The following TSPAN8 variants were observed in gnomAD, a reference collection of about 807,000 sequenced individuals.
TSPAN8 encodes the protein tetraspanin 8.
A neutral mutation model predicts 32.8 loss-of-function variants in TSPAN8; 21 were observed. The observed-to-expected ratio is 0.64, with a 90% CI of 0.45 to 0.92. The LOEUF (loss-of-function observed/expected upper bound fraction) is 0.92. Ranked by LOEUF, TSPAN8 falls within the 40% of genes least tolerant of loss-of-function variation. TSPAN8 has a pLI of 0.00. For synonymous variants in TSPAN8, 95 were observed against 94.6 expected, an observed-to-expected ratio of 1.00 and a Z score of -0.03; for missense variants, 269 against 281.9, an observed-to-expected ratio of 0.95 and a Z score of 0.33.
At chr12:71,136,613 T>C (rs938641433) in intron 6 of TSPAN8, among the ~76,000 whole-genome samples, 1 of 152,184 alleles carries the variant, frequency 6.6e-6, no homozygotes, top group African/African-American at 2.4e-5. Context: ...GTTTACTCTT[T>C]AGAGAGTAGT....
chr12:71,139,560 G>T, intron 4 of TSPAN8, 151 bp downstream of exon 4: 1 of 1,092,392 alleles, frequency 9.2e-7, no homozygotes, highest in Non-Finnish European at 1.3e-6. Context: ...CCAAATCTAA[G>T]CCATATCAGC....
chr12:71,149,915 C>G (rs1164734526), intron 2 of TSPAN8, among the ~76,000 whole-genome samples: 1 of 152,176 alleles, frequency 6.6e-6, no homozygotes, highest in Non-Finnish European at 1.5e-5. Flanking sequence ...CCATATTTTT[C>G]TTCTTGCAGA....
At chr12:71,127,288 G>A (rs2870840) in intron 8 of TSPAN8, among the ~76,000 whole-genome samples, 1 of 151,548 alleles carries the variant, frequency 6.6e-6, no homozygotes, top group Non-Finnish European at 1.5e-5. Context: ...AAAATGCTTT[G>A]TTTTTGGATA....
intron 3 of TSPAN8, among the ~76,000 whole-genome samples, chr12:71,143,081 C>T (rs1269416137): frequency 1.3e-5 from 2 of 152,252 alleles, no homozygotes; most frequent in African/African-American, 2.4e-5. Flanking sequence ...AAATTCTTCT[C>T]AGAGAGGAGA....
chr12:71,133,755 T>A, intron 6 of TSPAN8, among the ~76,000 whole-genome samples: 1 of 152,150 alleles, frequency 6.6e-6, no homozygotes, highest in East Asian at 1.9e-4. Flanking sequence ...GCAGCCACAT[T>A]TGAGGAAGAA....
At chr12:71,125,435 T>C (rs768631852) in intron 8 of TSPAN8, 48 bp from the exon 9 acceptor site, 2 of 1,448,442 alleles carry the variant, frequency 1.4e-6, no homozygotes, top group Non-Finnish European at 1.9e-6. Context: ...GGGAAAACAC[T>C]GGACACATTA....
At chr12:71,154,803 T>G (rs1872372119) in intron 2 of TSPAN8, among the ~76,000 whole-genome samples, 1 of 152,172 alleles carries the variant, frequency 6.6e-6, no homozygotes, top group Non-Finnish European at 1.5e-5. Context: ...GGTGGAGAAA[T>G]GGCTGATTCG....
intron 4 of TSPAN8, among the ~76,000 whole-genome samples, chr12:71,138,449 C>CA (rs949709685): frequency 1.1e-4 from 16 of 152,078 alleles, no homozygotes; most frequent in African/African-American, 2.9e-4. Context: ...GTGGTTCAGG[C>CA]AAAAAAATTA....
intron 3 of TSPAN8, among the ~76,000 whole-genome samples, chr12:71,143,933 C>T (rs928753931): frequency 7.2e-5 from 11 of 152,102 alleles, no homozygotes; most frequent in African/African-American, 2.7e-4. Context: ...CTCCTCCATT[C>T]TCTAGAAAGA....
chr12:71,137,903 A>G, intron 6 of TSPAN8, 50 bp downstream of exon 6: 1 of 1,516,156 alleles, frequency 6.6e-7, no homozygotes, highest in Non-Finnish European at 9.0e-7. Context: ...CTAAACAAAC[A>G]CAGAAGAACT....
intron 8 of TSPAN8, among the ~76,000 whole-genome samples, chr12:71,126,957 T>C (rs1343973224): frequency 6.6e-6 from 1 of 152,128 alleles, no homozygotes. Flanking sequence ...GTGAGAAGAA[T>C]CCCTTAGGTA....
At position 71,157,787 on chromosome 12, in the gene TSPAN8, G is replaced by T. The variant is rs1872494980; in HGVS notation, c.-109C>A. The T allele has an allele frequency of 2.5e-6, 2 of 785,544 alleles. No individual in the cohort carries two copies. The highest frequency in any genetic ancestry group is 1.7e-5 in the African/African-American group (1 of 57,720). 48.7% of individuals were successfully genotyped at this position (785,544 alleles called of 1,614,324 possible). A position where few individuals can be genotyped will look rare whatever the true frequency, so the allele number is the denominator to read the frequency against. On this transcript the variant is annotated splice_region_variant and 5_prime_UTR_variant, in exon 2 of 9. Coordinates refer to ENST00000247829, the MANE Select transcript of TSPAN8 (RefSeq NM_004616.3). ...GCCTGCAGAGATTTCTGTATCCACG[G>T]CTTCAGAGCAGAAAGAGAAAGCAAA...
At chr12:71,142,092 C>A (rs1449237155) in intron 3 of TSPAN8, among the ~76,000 whole-genome samples, 1 of 152,142 alleles carries the variant, frequency 6.6e-6, no homozygotes, top group Non-Finnish European at 1.5e-5. Context: ...TGTTTTTTCA[C>A]TAACAAAAAA....
At chr12:71,148,271 C>G (rs1294223864) in intron 2 of TSPAN8, among the ~76,000 whole-genome samples, 1 of 152,154 alleles carries the variant, frequency 6.6e-6, no homozygotes, top group African/African-American at 2.4e-5. Flanking sequence ...CTGAAGATCT[C>G]TTTCTCTCTT....
chr12:71,125,447 A>C, intron 8 of TSPAN8, 60 bp from the exon 9 acceptor site: 1 of 1,344,880 alleles, frequency 7.4e-7, no homozygotes, highest in Non-Finnish European at 1.0e-6. Flanking sequence ...GACACATTAT[A>C]AATAAACAGA....
chr12:71,144,607 T>G (rs1787316822), intron 2 of TSPAN8, among the ~76,000 whole-genome samples: 1 of 152,138 alleles, frequency 6.6e-6, no homozygotes, highest in South Asian at 2.1e-4. Flanking sequence ...GAAGCTATGT[T>G]GGACCAGGAA....
intron 6 of TSPAN8, among the ~76,000 whole-genome samples, chr12:71,133,203 C>A (rs1002716501): frequency 6.6e-6 from 1 of 152,144 alleles, no homozygotes; most frequent in African/African-American, 2.4e-5. Context: ...CCTACCTCAG[C>A]CTCCCGAGTA....
chr12:71,150,172 C>T (rs1872206323), intron 2 of TSPAN8, among the ~76,000 whole-genome samples: 1 of 152,184 alleles, frequency 6.6e-6, no homozygotes, highest in Admixed American at 6.5e-5. Context: ...CAGACCGGTT[C>T]TCTGCTTTCA....
At chr12:71,133,137 G>T (rs547805208) in intron 6 of TSPAN8, among the ~76,000 whole-genome samples, 132 of 152,204 alleles carry the variant, frequency 8.7e-4, no homozygotes, top group Non-Finnish European at 1.5e-3. Context: ...AGGCTGGAGT[G>T]CAGTGACGCG....
Sources: allele counts gnomAD v4.1 joint callset (sites outside exome capture counted in the v4.1 genomes callset), GRCh38; gene constraint gnomAD v4.1.1; transcripts MANE v1.5; gene names NCBI Gene and HGNC (gene_info 2026-07-23, HGNC 2026-07-21).